WDR19: variants seen among roughly 807,000 people sequenced by gnomAD.
The protein encoded by WDR19 is WD repeat-containing protein 19.
Under a neutral mutation model 180.0 loss-of-function variants are expected in WDR19, and 121 were observed. That is an observed-to-expected ratio of 0.67 (90% CI 0.58 to 0.78). WDR19 has a LOEUF of 0.78. Ranked by LOEUF, WDR19 falls within the 30% of genes least tolerant of loss-of-function variation. The pLI, the probability that WDR19 is intolerant of heterozygous loss-of-function variation, is 0.00. For missense variants in WDR19, 1,450 were observed against 1,640.7 expected, an observed-to-expected ratio of 0.88 and a Z score of 2.01; for synonymous variants, 497 against 540.7, an observed-to-expected ratio of 0.92 and a Z score of 1.12.
chr4:39,235,756 A>C (rs1039636384), intron 20 of WDR19, among the ~76,000 whole-genome samples: 1 of 152,214 alleles, frequency 6.6e-6, no homozygotes, highest in South Asian at 2.1e-4. Flanking sequence ...GCAAATATCC[A>C]GAATCTGCAA....
At chr4:39,224,462 C>A (rs1278174274) in intron 14 of WDR19, among the ~76,000 whole-genome samples, 1 of 152,042 alleles carries the variant, frequency 6.6e-6, no homozygotes, top group East Asian at 1.9e-4. Context: ...CTCACTGCAA[C>A]CTCTGCCTCC....
intron 15 of WDR19, among the ~76,000 whole-genome samples, chr4:39,226,486 C>T (rs1003141816): frequency 2.0e-5 from 3 of 152,108 alleles, no homozygotes; most frequent in East Asian, 1.9e-4. Flanking sequence ...GAAAACAGTT[C>T]GGCCACTAGT....
chr4:39,280,141 T>TTA lies in WDR19; in HGVS notation c.*13+1478_*13+1479insTA, dbSNP rs368949539. ...CTTGTTTTTTTTTTTTTTTTTTTTT[T>TTA]AATAGAGGCAGGGTCTCGCCACATT... On this transcript the variant is annotated intron_variant, in intron 36 of 36. Coordinates refer to ENST00000399820, the MANE Select transcript of WDR19 (RefSeq NM_025132.4). 2.9e-4 allele frequency among the ~76,000 whole-genome samples: 26 copies of TTA among 88,392 alleles called. 1 individual carries two copies. Among genetic ancestry groups the TTA allele is most frequent in the South Asian group, 8.0e-4 (2 of 2,506 alleles). The allele number at this position is 88,392 out of a possible 152,430, so 58.0% of individuals were successfully genotyped here. A position where few individuals can be genotyped will look rare whatever the true frequency, so the allele number is the denominator to read the frequency against.
intron 26 of WDR19, 100 bp from the exon 27 acceptor site, chr4:39,255,748 A>C: frequency 1.8e-6 from 1 of 546,174 alleles, no homozygotes; most frequent in Non-Finnish European, 3.2e-6. Flanking sequence ...TTTGCTGTTA[A>C]GAGTTTTTAA....
At position 39,246,641 on chromosome 4, in the gene WDR19, G is replaced by C. The variant is rs190452602; in HGVS notation, c.2729+1189G>C. On this transcript the variant is annotated intron_variant, in intron 24 of 36. Transcript: ENST00000399820. ...GTGACAGACGGCACCCGTAAAATCG[G>C]GTCACTCCCACCCTAATACTGTGCT... Among the ~76,000 whole-genome samples, 4 of 152,284 alleles carry C rather than the reference G, an allele frequency of 2.6e-5. No homozygotes were observed. In the East Asian group the frequency reaches 7.7e-4, roughly 29 times the overall value.
At chr4:39,222,863 A>T (rs997336223) in intron 14 of WDR19, among the ~76,000 whole-genome samples, 2 of 152,214 alleles carry the variant, frequency 1.3e-5, no homozygotes, top group African/African-American at 2.4e-5. Flanking sequence ...CAGTCAACAT[A>T]CAGAACAATT....
chr4:39,281,337 A>G (rs887381993), intron 36 of WDR19, among the ~76,000 whole-genome samples: 8 of 127,826 alleles, frequency 6.3e-5, no homozygotes, highest in African/African-American at 1.1e-4. Flanking sequence ...TTATCTTGAA[A>G]TGATTTTTGT....
At chr4:39,274,702 C>T in intron 32 of WDR19, 106 bp from the exon 33 acceptor site, 1 of 1,367,236 alleles carries the variant, frequency 7.3e-7, no homozygotes, top group Non-Finnish European at 1.0e-6. Flanking sequence ...AAGCAAAGTT[C>T]AGAGACCATG....
At chr4:39,207,078 C>T (rs1728037161) in intron 9 of WDR19, among the ~76,000 whole-genome samples, 1 of 152,110 alleles carries the variant, frequency 6.6e-6, no homozygotes, top group Admixed American at 6.6e-5. Context: ...TAGAAATGCT[C>T]CAAGAGGTAA....
At chr4:39,185,884 G>A in intron 2 of WDR19, 67 bp downstream of exon 2, 1 of 1,252,804 alleles carries the variant, frequency 8.0e-7, no homozygotes, top group South Asian at 1.6e-5. Context: ...CTACTCAGTA[G>A]AAGTTTTTTT....
intron 28 of WDR19, among the ~76,000 whole-genome samples, chr4:39,259,754 T>A (rs902644415): frequency 6.6e-6 from 1 of 152,230 alleles, no homozygotes; most frequent in African/African-American, 2.4e-5. Flanking sequence ...AGGAGTGGAA[T>A]TTCTAGGCCA....
intron 6 of WDR19, 48 bp downstream of exon 6, chr4:39,199,641 CAAAT>C (rs1390349818): frequency 4.8e-6 from 7 of 1,448,504 alleles, no homozygotes; most frequent in South Asian, 1.2e-5. Flanking sequence ...GCTTTCCCCC[CAAAT>C]AAATAGTTTG....
At position 39,221,729 on chromosome 4, in the gene WDR19, G is replaced by A. The variant is rs114376443; in HGVS notation, c.1480-3155G>A. Reference sequence around the variant, plus strand: ...TTCTGTAACTGTAAATGTAATAAATGTTTGTATATTCTAGAGTTTCATATA... The same window carrying A: ...TTCTGTAACTGTAAATGTAATAAATATTTGTATATTCTAGAGTTTCATATA... On this transcript the variant is annotated intron_variant, in intron 14 of 36. Transcript: ENST00000399820. Among the ~76,000 whole-genome samples, 1,216 of 152,120 alleles carry A rather than the reference G, an allele frequency of 8.0e-3. 21 individuals carry two copies. Among genetic ancestry groups the A allele is most frequent in the African/African-American group, 0.028 (1,169 of 41,494 alleles).
In WDR19 at chr4:39,268,026, C is replaced by G; in HGVS notation, c.3293C>G (p.Ala1098Gly). 1 of 1,605,850 alleles carries G rather than the reference C, an allele frequency of 6.2e-7. No homozygotes were observed. The highest frequency in any genetic ancestry group is 8.5e-7 in the Non-Finnish European group (1 of 1,176,118). Reference sequence around the variant, plus strand: ...AAGTACCTGTTCCGCTTGTACATGGCTCTGAAGCAATACCGAGAAGCTGCC... The same window carrying G: ...AAGTACCTGTTCCGCTTGTACATGGGTCTGAAGCAATACCGAGAAGCTGCC... ...DAKYLFRLYM[A>G]LKQYREAAQT... is the part of the protein sequence containing the mutation. The change falls in exon 30 of 37, where the codon GCT becomes GGT. Residue 1098 changes from alanine to glycine, a missense_variant. Coordinates refer to ENST00000399820, the MANE Select transcript of WDR19 (RefSeq NM_025132.4).
intron 9 of WDR19, among the ~76,000 whole-genome samples, chr4:39,213,206 C>A (rs1198616590): frequency 2.0e-5 from 3 of 152,306 alleles, no homozygotes; most frequent in African/African-American, 7.2e-5. Flanking sequence ...CATGCAATTA[C>A]CATATGATCC....
chr4:39,208,382 C>T (rs1728171353), intron 9 of WDR19, among the ~76,000 whole-genome samples: 1 of 146,850 alleles, frequency 6.8e-6, no homozygotes, highest in Middle Eastern at 3.6e-3. Context: ...TCTTGGCTCA[C>T]TGCAACCTCC....
intron 10 of WDR19, among the ~76,000 whole-genome samples, chr4:39,214,929 C>T (rs142528266): frequency 0.03 from 4,490 of 152,100 alleles, 224 homozygotes; most frequent in African/African-American, 0.1. Context: ...CGTGCCACCA[C>T]GCCCAGCTAA....
chr4:39,239,742 C>T (rs75686472), intron 20 of WDR19, among the ~76,000 whole-genome samples: 2,143 of 152,260 alleles, frequency 0.014, 22 homozygotes, highest in South Asian at 0.026. Flanking sequence ...TATAGCATAA[C>T]CCGGCTTAAT....
rs181253007 is a variant in WDR19 at position 39,244,082 on chromosome 4, A to T, written c.2422-166A>T. Among the ~76,000 whole-genome samples the T allele has an allele frequency of 0.014, 1,818 of 129,036 alleles. 29 individuals are homozygous for T. Among genetic ancestry groups the T allele is most frequent in the African/African-American group, 0.072 (1,596 of 22,096 alleles). The allele number at this position is 129,036 out of a possible 152,430, so 84.7% of individuals were successfully genotyped here. A position where few individuals can be genotyped will look rare whatever the true frequency, so the allele number is the denominator to read the frequency against. ...AATTTTGTAATAGCTGGGTTTTTTT[A>T]AAAAAAAAAGTCTCAAGTGTTATTT... On this transcript the variant is annotated intron_variant, in intron 21 of 36. Coordinates refer to ENST00000399820, the MANE Select transcript of WDR19 (RefSeq NM_025132.4).
Sources: gnomAD v4.1 joint callset for allele counts (sites outside exome capture counted in the v4.1 genomes callset) on GRCh38, gnomAD v4.1.1 for gene constraint, MANE v1.5 for transcripts, NCBI Gene and HGNC (gene_info 2026-07-23, HGNC 2026-07-21) for gene names.